PCNT: variants seen among roughly 807,000 people sequenced by gnomAD.
PCNT encodes kendrin.
Under a neutral mutation model 380.4 loss-of-function variants are expected in PCNT, and 319 were observed. The ratio of observed to expected loss-of-function variants is 0.84; its 90% CI spans 0.77 to 0.92. The LOEUF (loss-of-function observed/expected upper bound fraction) is 0.92. PCNT is among the 40% of genes least tolerant of loss of function. The pLI, the probability that PCNT is intolerant of heterozygous loss-of-function variation, is 0.00. For synonymous variants in PCNT, 1,845 were observed against 1,735.2 expected (o/e 1.06, Z -1.57); for missense variants, 4,400 against 4,255.3 (o/e 1.03, Z -0.95).
At chr21:46,376,718 C>G (rs1165396820) in intron 15 of PCNT, among the ~76,000 whole-genome samples, 1 of 152,212 alleles carries the variant, frequency 6.6e-6, no homozygotes, top group African/African-American at 2.4e-5. Flanking sequence ...CCCTCCCTGG[C>G]TGTTGGTCCG....
chr21:46,338,610 T>C lies in PCNT; in HGVS notation c.639+3842T>C, dbSNP rs542616394. ...ATATGAATAATGAATGTGTCTTTTT[T>C]TTTTTTTTTTTGAGACGGAGTTTTG... On this transcript the variant is annotated intron_variant, in intron 3 of 46. Coordinates refer to ENST00000359568, the MANE Select transcript of PCNT (RefSeq NM_006031.6). Among the ~76,000 whole-genome samples, 245 of 151,380 alleles carry C rather than the reference T, an allele frequency of 1.6e-3. 2 individuals carry two copies. Among genetic ancestry groups the C allele is most frequent in the South Asian group, 3.8e-3 (18 of 4,776 alleles).
chr21:46,386,085 C>T, intron 17 of PCNT, 102 bp downstream of exon 17: 1 of 1,389,074 alleles, frequency 7.2e-7, no homozygotes, highest in Non-Finnish European at 1.0e-6. Context: ...GTGGCTGCTG[C>T]CACCATGCAC....
At chr21:46,324,967 C>T in intron 1 of PCNT, 1 of 943,634 alleles carries the variant, frequency 1.1e-6, no homozygotes, top group Non-Finnish European at 1.2e-6. Flanking sequence ...GGGCTCGCGT[C>T]CTGCCCGTCC....
intron 14 of PCNT, among the ~76,000 whole-genome samples, chr21:46,365,061 T>C (rs890760863): frequency 6.6e-6 from 1 of 152,230 alleles, no homozygotes; most frequent in African/African-American, 2.4e-5. Context: ...CCTGCCTCTG[T>C]CTTTGGCCCT....
chr21:46,359,859 A>G (rs1428575216), intron 13 of PCNT, among the ~76,000 whole-genome samples: 1 of 140,990 alleles, frequency 7.1e-6, no homozygotes, highest in African/African-American at 2.6e-5. Context: ...TATTCGTTTT[A>G]CCTTTTTTTT....
At chr21:46,398,955 G>C (rs567254045) in intron 24 of PCNT, among the ~76,000 whole-genome samples, 56 of 151,866 alleles carry the variant, frequency 3.7e-4, no homozygotes, top group Non-Finnish European at 6.0e-4. Flanking sequence ...GAGTAGCTGG[G>C]ACTACAGGTG....
intron 15 of PCNT, among the ~76,000 whole-genome samples, chr21:46,369,796 G>A (rs2839230): frequency 6.6e-5 from 10 of 151,890 alleles, no homozygotes; most frequent in Admixed American, 6.6e-4. Context: ...TGCAATCAGA[G>A]ACGCCTGCTG....
intron 14 of PCNT, among the ~76,000 whole-genome samples, chr21:46,364,204 C>T (rs1055394190): frequency 9.9e-5 from 15 of 150,982 alleles, no homozygotes; most frequent in Non-Finnish European, 1.6e-4. Flanking sequence ...TAGCAGTCGC[C>T]GTCCCGGAGC....
chr21:46,350,590 C>T (rs1012930495), intron 8 of PCNT, among the ~76,000 whole-genome samples: 2 of 152,142 alleles, frequency 1.3e-5, no homozygotes, highest in South Asian at 2.1e-4. Context: ...TAGGGTTAAT[C>T]GTGGTGTGTG....
At chr21:46,417,184 CTTTTTTTTTT>C (rs71318076) in intron 30 of PCNT, among the ~76,000 whole-genome samples, 7 of 73,346 alleles carry the variant, frequency 9.5e-5, no homozygotes, top group South Asian at 6.5e-4. Context: ...GGAATGCTTC[CTTTTTTTTTT>C]TTTTTTTTTT....
At chr21:46,406,171 C>T (rs776896841) in intron 27 of PCNT, among the ~76,000 whole-genome samples, 6 of 152,192 alleles carry the variant, frequency 3.9e-5, no homozygotes, top group Non-Finnish European at 7.3e-5. Context: ...CTGGCGTGGT[C>T]GTGGTTGTTG....
chr21:46,353,082 G>T, intron 9 of PCNT, 22 bp from the exon 10 acceptor site: 1 of 1,602,794 alleles, frequency 6.2e-7, no homozygotes, highest in Non-Finnish European at 8.5e-7. Context: ...TAAGACGATT[G>T]CCTGACTCCG....
Position 46,425,848 on chromosome 21 carries a change from G to C in PCNT, c.7197G>C (p.Val2399=). The C allele has an allele frequency of 1.9e-6, 3 of 1,613,698 alleles. No individual in the cohort carries two copies. The highest frequency in any genetic ancestry group is 2.5e-6 in the Non-Finnish European group (3 of 1,180,016). ...CGCCACAGGCTTTACTGCAGATGGTGCGTGACGAGAGCCACCAGATCCTGG... is the reference window on the plus strand; with the variant it reads ...CGCCACAGGCTTTACTGCAGATGGTCCGTGACGAGAGCCACCAGATCCTGG... ...PKHVKALLQM[V]RDESHQILAL... is the part of the protein sequence containing the mutation. Residue 2399 remains valine, a synonymous_variant, in exon 33 of 47, where the codon GTG becomes GTC. Coordinates refer to ENST00000359568, the MANE Select transcript of PCNT (RefSeq NM_006031.6). The surrounding 1 kb of genome is among the most constrained non-coding windows in gnomAD (Gnocchi z 4.2).
At position 46,351,437 on chromosome 21, in the gene PCNT, T is replaced by A. The variant is rs779610179; in HGVS notation, c.1353T>A (p.Asn451Lys). The change falls in exon 9 of 47, where the codon AAT becomes AAA. Residue 451 changes from asparagine to lysine, a missense_variant. By Grantham distance (94) the Asn-to-Lys change is moderately conservative. Transcript: ENST00000359568. ...CACTTTGCTTTTTCCAGTTAGAGAA[T>A]CTTCAAGCATCATATGAAGACCTGA... ...SEKEKQLELENLQASYEDLKA... is the reference protein window; with the variant it reads ...SEKEKQLELEKLQASYEDLKA... 1 of 1,598,434 alleles carries A rather than the reference T, an allele frequency of 6.3e-7. No homozygotes were observed. The highest frequency in any genetic ancestry group is 1.3e-5 in the African/African-American group (1 of 74,574).
intron 10 of PCNT, among the ~76,000 whole-genome samples, chr21:46,353,751 T>TGTGAGA (rs59894003): frequency 2.0e-3 from 207 of 104,398 alleles, no homozygotes; most frequent in African/African-American, 5.0e-3. Context: ...TGTGTGTGTG[T>TGTGAGA]GAGAGAGACA....
At chr21:46,368,709 T>C (rs2085015806) in intron 15 of PCNT, among the ~76,000 whole-genome samples, 1 of 152,236 alleles carries the variant, frequency 6.6e-6, no homozygotes, top group African/African-American at 2.4e-5. Context: ...GGGGCTGGCC[T>C]ATCTCCCTGC....
Position 46,361,234 on chromosome 21 carries a change from T to TA in PCNT, c.2155-2239dup, listed in dbSNP as rs1318792443. 5.9e-5 allele frequency among the ~76,000 whole-genome samples: 9 copies of TA among 151,764 alleles called. No homozygotes were observed. The East Asian group carries it at 1.5e-3, about 26-fold the overall frequency. ...ACCCTGTCTTTACTAAAAAATAAAA[T>TA]AAAAAAATTAGGCGAGTATGGTGGT... On this transcript the variant is annotated intron_variant, in intron 13 of 46. Transcript: ENST00000359568.
At chr21:46,430,956 CAG>C (rs2087736772) in intron 37 of PCNT, 1 of 985,398 alleles carries the variant, frequency 1.0e-6, no homozygotes, top group Non-Finnish European at 1.2e-6. Flanking sequence ...GGCATCCAGA[CAG>C]AGCACAGCCT....
At chr21:46,394,393 C>A in intron 21 of PCNT, 1 of 277,222 alleles carries the variant, frequency 3.6e-6, no homozygotes, top group Non-Finnish European at 5.5e-6. Flanking sequence ...TCAAGGCCAG[C>A]AGCGTTGCCC....
Sources: allele counts gnomAD v4.1 joint callset (sites outside exome capture counted in the v4.1 genomes callset), GRCh38; gene constraint gnomAD v4.1.1; non-coding constraint Gnocchi (gnomAD v3.1); transcripts MANE v1.5; gene names NCBI Gene and HGNC (gene_info 2026-07-23, HGNC 2026-07-21).